CMIP: variants seen among roughly 807,000 people sequenced by gnomAD.
The protein encoded by CMIP is c-Maf inducing protein.
A neutral mutation model predicts 97.3 loss-of-function variants in CMIP; 13 were observed. The observed-to-expected ratio is 0.13, with a 90% CI of 0.09 to 0.21. The LOEUF is 0.21. CMIP is among the 10% of genes least tolerant of loss of function. The pLI is 1.00. For missense variants in CMIP, 847 were observed against 1,024.9 expected (o/e 0.83, Z 2.37); for synonymous variants, 538 against 436.3 (o/e 1.23, Z -2.91).
At position 81,466,259 on chromosome 16, in the gene CMIP, C is replaced by A. The variant is rs559597473; in HGVS notation, c.300+20718C>A. Among the ~76,000 whole-genome samples, 77 of 152,258 alleles carry A rather than the reference C, an allele frequency of 5.1e-4. 1 individual carries two copies. Among genetic ancestry groups the A allele is most frequent in the Middle Eastern group, 6.8e-3 (2 of 294 alleles). On this transcript the variant is annotated intron_variant, in intron 1 of 20. Transcript: ENST00000537098. The stretch of plus-strand genomic sequence containing the variant: ...AATTTTTTGTAGAGATGGGGTTTTG[C>A]CATCTTGTCCAGGCTGGTCTTGAAC...
At position 81,469,938 on chromosome 16, in the gene CMIP, T is replaced by C. The variant is rs75198363; in HGVS notation, c.300+24397T>C. ...CTCCTGTCTGCTGCACCCTTGACCTTGTCTGGTGTCTGACAGCAGCAGCAG... is the reference window on the plus strand; with the variant it reads ...CTCCTGTCTGCTGCACCCTTGACCTCGTCTGGTGTCTGACAGCAGCAGCAG... On this transcript the variant is annotated intron_variant, in intron 1 of 20. Transcript: ENST00000537098. 1.3e-3 allele frequency among the ~76,000 whole-genome samples: 197 copies of C among 152,234 alleles called. 1 individual carries two copies. The highest frequency in any genetic ancestry group is 4.6e-3 in the African/African-American group (190 of 41,538).
intron 1 of CMIP, among the ~76,000 whole-genome samples, chr16:81,591,292 C>G (rs2091463369): frequency 6.6e-6 from 1 of 152,158 alleles, no homozygotes; most frequent in African/African-American, 2.4e-5. Context: ...GGTCTTTAAT[C>G]AAGTCACATT....
intron 1 of CMIP, chr16:81,476,501 A>G: frequency 1.4e-6 from 1 of 710,048 alleles, no homozygotes; most frequent in South Asian, 1.4e-5. Context: ...ATGTCAGAGA[A>G]CACAGTGGGG....
chr16:81,506,084 A>G (rs1177964444), intron 1 of CMIP, among the ~76,000 whole-genome samples: 1 of 152,230 alleles, frequency 6.6e-6, no homozygotes, highest in Non-Finnish European at 1.5e-5. Flanking sequence ...CAGTTTACAC[A>G]CGTTGTCTCT....
intron 1 of CMIP, among the ~76,000 whole-genome samples, chr16:81,540,118 G>T (rs571758053): frequency 7.9e-5 from 12 of 152,340 alleles, no homozygotes; most frequent in African/African-American, 2.9e-4. Context: ...TTTGTCAGAC[G>T]TGGAGCACAT....
intron 1 of CMIP, among the ~76,000 whole-genome samples, chr16:81,458,566 T>C (rs1253364103): frequency 1.3e-5 from 2 of 152,054 alleles, no homozygotes; most frequent in Admixed American, 1.3e-4. Flanking sequence ...TTGAAGGGGA[T>C]CAGGAAGGAG....
intron 14 of CMIP, chr16:81,697,518 G>A (rs901968138): frequency 1.3e-4 from 20 of 152,388 alleles, no homozygotes; most frequent in African/African-American, 4.8e-4. Flanking sequence ...TCGCAGCTCT[G>A]CTGGGAGCTA....
Position 81,705,614 on chromosome 16 carries a change from T to C in CMIP, c.2197+10T>C. On this transcript the variant is annotated intron_variant, in intron 19 of 20. Transcript: ENST00000537098. ...CTGCTGGCCCTGAGCTGTGAGTGCC[T>C]CCGGGGCAGCTGGGGGGTGAGGGGC... The C allele has an allele frequency of 6.4e-7, 1 of 1,570,538 alleles. No homozygotes were observed.
intron 1 of CMIP, among the ~76,000 whole-genome samples, chr16:81,547,534 G>C (rs2090570355): frequency 6.6e-6 from 1 of 152,122 alleles, no homozygotes; most frequent in African/African-American, 2.4e-5. Context: ...ACCTTGCTCA[G>C]AGGGGTAGCT....
At chr16:81,547,149 G>A (rs1203298653) in intron 1 of CMIP, among the ~76,000 whole-genome samples, 10 of 152,236 alleles carry the variant, frequency 6.6e-5, no homozygotes, top group Admixed American at 4.6e-4. Flanking sequence ...TAAGTCAAGT[G>A]AGGAGGATCT....
intron 1 of CMIP, among the ~76,000 whole-genome samples, chr16:81,576,309 G>C (rs1377166640): frequency 2.6e-5 from 4 of 152,040 alleles, no homozygotes; most frequent in African/African-American, 9.7e-5. Context: ...GAGGCTGATG[G>C]AGGAGAATCG....
chr16:81,692,559 A>C (rs529004488), intron 11 of CMIP, among the ~76,000 whole-genome samples: 5 of 152,210 alleles, frequency 3.3e-5, no homozygotes, highest in Non-Finnish European at 5.9e-5. Flanking sequence ...CGTGTTTAGG[A>C]AATGCTGCCT....
chr16:81,683,481 C>A (rs188678476), intron 10 of CMIP, among the ~76,000 whole-genome samples: 7 of 152,070 alleles, frequency 4.6e-5, no homozygotes, highest in Admixed American at 3.3e-4. Context: ...CCTCTGCCCC[C>A]CAGGTTCAAG....
intron 1 of CMIP, among the ~76,000 whole-genome samples, chr16:81,451,136 T>C (rs1367781715): frequency 6.6e-6 from 1 of 152,204 alleles, no homozygotes; most frequent in Non-Finnish European, 1.5e-5. Flanking sequence ...CCCACTTAAA[T>C]CTCATCTTGA....
intron 2 of CMIP, among the ~76,000 whole-genome samples, chr16:81,613,464 G>A (rs1338578747): frequency 6.6e-6 from 1 of 152,084 alleles, no homozygotes; most frequent in East Asian, 1.9e-4. Context: ...GGAACCCTAG[G>A]TTTTACCACA....
At chr16:81,693,774 C>T (rs889424646) in intron 13 of CMIP, among the ~76,000 whole-genome samples, 2 of 152,226 alleles carry the variant, frequency 1.3e-5, no homozygotes, top group Non-Finnish European at 2.9e-5. Flanking sequence ...AGCTCTCAAC[C>T]AGCTCTGAGG....
intron 1 of CMIP, among the ~76,000 whole-genome samples, chr16:81,465,678 G>A (rs148460959): frequency 9.8e-5 from 15 of 152,396 alleles, no homozygotes; most frequent in Non-Finnish European, 1.9e-4. Context: ...AACCGTGAGA[G>A]GGCCTCTCTG....
chr16:81,523,570 A>T (rs2090070920), intron 1 of CMIP, among the ~76,000 whole-genome samples: 1 of 152,208 alleles, frequency 6.6e-6, no homozygotes, highest in Non-Finnish European at 1.5e-5. Flanking sequence ...CAGTCTGACA[A>T]ATCCAAATTC....
chr16:81,701,470 G>A (rs537358915), intron 15 of CMIP, among the ~76,000 whole-genome samples, 190 bp from the exon 16 acceptor site: 2 of 152,334 alleles, frequency 1.3e-5, no homozygotes, highest in South Asian at 2.1e-4. Flanking sequence ...ACCTCAGTGC[G>A]TGGTCACTGG....
Sources: allele counts gnomAD v4.1 joint callset (sites outside exome capture counted in the v4.1 genomes callset), GRCh38; gene constraint gnomAD v4.1.1; transcripts MANE v1.5; gene names NCBI Gene and HGNC (gene_info 2026-07-23, HGNC 2026-07-21).